Variants in CUX1 observed in about 807,000 individuals in gnomAD.
CUX1 encodes the protein cut like homeobox 1.
In CUX1, 31 loss-of-function variants were observed where a neutral mutation model predicts 158.8. That is an observed-to-expected ratio of 0.20 (90% CI 0.15 to 0.26). The LOEUF is 0.26. Among genes scored for constraint, CUX1 ranks in the 10% least tolerant of loss-of-function variants. CUX1 has a pLI of 1.00. For missense variants in CUX1, 1,589 were observed against 2,014.6 expected (o/e 0.79, Z 4.04); for synonymous variants, 879 against 862.1 (o/e 1.02, Z -0.34).
At chr7:102,060,600 C>T (rs1271846255) in intron 3 of CUX1, among the ~76,000 whole-genome samples, 1 of 66,652 alleles carries the variant, frequency 1.5e-5, no homozygotes, top group Non-Finnish European at 3.0e-5. Flanking sequence ...TATACACACA[C>T]ACAAATAAAC....
chr7:102,274,108 C>A, intron 15 of CUX1: 2 of 803,560 alleles, frequency 2.5e-6, no homozygotes, highest in Non-Finnish European at 4.2e-6. Context: ...GGCCCTCCTG[C>A]AGCCAGCCTG....
At chr7:101,919,046 T>G (rs1455603439) in intron 2 of CUX1, among the ~76,000 whole-genome samples, 1 of 152,236 alleles carries the variant, frequency 6.6e-6, no homozygotes, top group Non-Finnish European at 1.5e-5. Flanking sequence ...CCCAAAGTGC[T>G]GGGATTACAG....
chr7:102,274,375 T>C (rs1554547145), intron 16 of CUX1: 1 of 1,417,534 alleles, frequency 7.1e-7, no homozygotes, highest in East Asian at 2.3e-5. Flanking sequence ...TGATACCGCC[T>C]GAGAACACAG....
rs1801692398 is a variant in CUX1 at position 102,253,088 on chromosome 7, A to G, written c.*4046A>G. On this transcript the variant is annotated 3_prime_UTR_variant, in exon 24 of 24. Transcript: ENST00000292535. ...TGGGGTAGATCCCTTGTACCTCCAAAGTACAAATACCTCCCTGCTCAGTTT... is the reference window on the plus strand; with the variant it reads ...TGGGGTAGATCCCTTGTACCTCCAAGGTACAAATACCTCCCTGCTCAGTTT... 1 of 985,374 alleles carries G rather than the reference A, an allele frequency of 1.0e-6. No individual in the cohort carries two copies. Among genetic ancestry groups the G allele is most frequent in the African/African-American group, 1.7e-5 (1 of 57,244 alleles). The allele number at this position is 985,374 out of a possible 1,614,324, so 61.0% of individuals were successfully genotyped here. A position where few individuals can be genotyped will look rare whatever the true frequency, so the allele number is the denominator to read the frequency against.
intron 2 of CUX1, among the ~76,000 whole-genome samples, chr7:102,021,193 T>A (rs1819294801): frequency 6.6e-6 from 1 of 152,182 alleles, no homozygotes; most frequent in East Asian, 1.9e-4. Context: ...CTGTACAGGA[T>A]GGGGTACCAC....
At chr7:101,835,714 A>T (rs1006241174) in intron 1 of CUX1, among the ~76,000 whole-genome samples, 1 of 152,140 alleles carries the variant, frequency 6.6e-6, no homozygotes, top group Non-Finnish European at 1.5e-5. Context: ...CAACAGTCCA[A>T]TTATACACTT....
At chr7:101,983,006 G>A (rs1047077958) in intron 2 of CUX1, among the ~76,000 whole-genome samples, 10 of 145,976 alleles carry the variant, frequency 6.9e-5, no homozygotes, top group South Asian at 2.3e-4. Flanking sequence ...GAGTGTCCAC[G>A]TCCTGTGCCT....
intron 2 of CUX1, among the ~76,000 whole-genome samples, chr7:102,020,881 GAA>G (rs398067126): frequency 6.1e-5 from 8 of 130,536 alleles, no homozygotes; most frequent in Admixed American, 1.6e-4. Context: ...ACTCGGTTTG[GAA>G]AAAAAAAAAA....
intron 3 of CUX1, among the ~76,000 whole-genome samples, chr7:102,042,228 A>G (rs1822204270): frequency 6.6e-6 from 1 of 152,078 alleles, no homozygotes; most frequent in African/African-American, 2.4e-5. Flanking sequence ...CCCTATGAGA[A>G]TTGCTCACAT....
At chr7:102,065,271 G>C (rs964827617) in intron 3 of CUX1, among the ~76,000 whole-genome samples, 15 of 152,130 alleles carry the variant, frequency 9.9e-5, no homozygotes, top group Admixed American at 5.2e-4. Context: ...GTAGAGATAG[G>C]GTCTCACTAT....
chr7:101,900,579 C>T (rs1299425635), intron 1 of CUX1, among the ~76,000 whole-genome samples: 85 of 152,178 alleles, frequency 5.6e-4, no homozygotes, highest in Non-Finnish European at 4.4e-5. Context: ...ATAGATGCCT[C>T]TTACTAGTTT....
intron 8 of CUX1, among the ~76,000 whole-genome samples, chr7:102,137,702 TTAAA>T (rs1453003161): frequency 6.6e-6 from 1 of 152,200 alleles, no homozygotes; most frequent in African/African-American, 2.4e-5. Flanking sequence ...GATTACACTT[TTAAA>T]TAGTACATTT....
intron 2 of CUX1, among the ~76,000 whole-genome samples, chr7:101,951,750 G>A (rs1348389985): frequency 6.6e-6 from 1 of 152,146 alleles, no homozygotes; most frequent in Non-Finnish European, 1.5e-5. Context: ...CTTGTGATCC[G>A]CCCGCATCGG....
At position 102,162,044 on chromosome 7, in the gene CUX1, C is replaced by T. The variant is rs546831988; in HGVS notation, c.723+3436C>T. Among the ~76,000 whole-genome samples, 12 of 152,112 alleles carry T rather than the reference C, an allele frequency of 7.9e-5. No homozygotes were observed. In the South Asian group the frequency reaches 2.1e-3, roughly 26 times the overall value. On this transcript the variant is annotated intron_variant, in intron 9 of 23. Transcript: ENST00000292535. ...TAGGGGGTTCGGAGACGTTCCTAATCTTGGGGTAGCAGGGAAAGACGGCAG... is the reference window on the plus strand; with the variant it reads ...TAGGGGGTTCGGAGACGTTCCTAATTTTGGGGTAGCAGGGAAAGACGGCAG...
chr7:102,227,410 G>A lies in CUX1; in HGVS notation c.3174G>A (p.Glu1058=), dbSNP rs1449461159. The change falls in exon 21 of 24, where the codon GAG becomes GAA. Residue 1058 remains glutamate, a synonymous_variant. Coordinates refer to ENST00000292535, the MANE Select transcript of CUX1 (RefSeq NM_181552.4). The part of the protein sequence containing the change: ...KTSASCSPAP[E]SPMSSSESVK... ...CCGCCAGCTGCAGCCCTGCCCCTGAGTCCCCGATGAGTTCCAGTGAGTCGG... is the reference window on the plus strand; with the variant it reads ...CCGCCAGCTGCAGCCCTGCCCCTGAATCCCCGATGAGTTCCAGTGAGTCGG... The A allele has an allele frequency of 1.9e-6, 3 of 1,613,658 alleles. No individual in the cohort carries two copies. Among genetic ancestry groups the A allele is most frequent in the East Asian group, 2.2e-5 (1 of 44,874 alleles).
chr7:102,203,121 C>T (rs1554520223), intron 18 of CUX1, among the ~76,000 whole-genome samples: 1 of 152,138 alleles, frequency 6.6e-6, no homozygotes, highest in African/African-American at 2.4e-5. Flanking sequence ...TGCCCACCAC[C>T]ACACCCAGCT....
At chr7:102,049,655 C>T (rs1251200947) in intron 3 of CUX1, among the ~76,000 whole-genome samples, 1 of 151,876 alleles carries the variant, frequency 6.6e-6, no homozygotes, top group Non-Finnish European at 1.5e-5. Flanking sequence ...GCTGGGGCAA[C>T]ATAGTGAGAT....
Position 102,252,428 on chromosome 7 carries a change from T to C in CUX1, c.*3386T>C, listed in dbSNP as rs1022784352. On this transcript the variant is annotated 3_prime_UTR_variant, in exon 24 of 24. Transcript: ENST00000292535. ...CGCTCTATGAGTTTAAAAAGCTGAT[T>C]TGTACCTCTCCCCTGGGGGAAACGG... 1.0e-6 allele frequency: 1 copy of C among 985,496 alleles called. No homozygotes were observed. Among genetic ancestry groups the C allele is most frequent in the Non-Finnish European group, 1.2e-6 (1 of 829,948 alleles). 61.0% of individuals were successfully genotyped at this position (985,496 alleles called of 1,614,324 possible).
intron 8 of CUX1, among the ~76,000 whole-genome samples, chr7:102,150,071 CT>C (rs1217430683): frequency 6.6e-6 from 1 of 152,230 alleles, no homozygotes; most frequent in African/African-American, 2.4e-5. Flanking sequence ...AAGAATTAAT[CT>C]GTAGATATTT....
Sources: gnomAD v4.1 joint callset for allele counts (sites outside exome capture counted in the v4.1 genomes callset) on GRCh38, gnomAD v4.1.1 for gene constraint, MANE v1.5 for transcripts, NCBI Gene and HGNC (gene_info 2026-07-23, HGNC 2026-07-21) for gene names.